The following SH3PXD2A variants were observed in gnomAD, a reference collection of about 807,000 sequenced individuals.
SH3PXD2A encodes the protein SH3 and PX domains 2A.
A neutral mutation model predicts 115.2 loss-of-function variants in SH3PXD2A; 32 were observed. The ratio of observed to expected loss-of-function variants is 0.28; its 90% CI spans 0.21 to 0.37. The LOEUF is 0.37. Ranked by LOEUF, SH3PXD2A falls within the 10% of genes least tolerant of loss-of-function variation. The pLI, the probability that SH3PXD2A is intolerant of heterozygous loss-of-function variation, is 1.00. For missense variants in SH3PXD2A, 1,328 were observed against 1,498.7 expected (o/e 0.89, Z 1.88); for synonymous variants, 610 against 629.1 (o/e 0.97, Z 0.45).
chr10:103,598,479 C>A lies in SH3PXD2A; in HGVS notation c.*3337G>T, dbSNP rs1385101915. On this transcript the variant is annotated 3_prime_UTR_variant, in exon 15 of 15. Transcript: ENST00000369774. Reference sequence around the variant, plus strand: ...AACAAAGCACCAAATGCTGCATCTTCGGGCATTATATGAACCTCAATAATG... The same window carrying A: ...AACAAAGCACCAAATGCTGCATCTTAGGGCATTATATGAACCTCAATAATG... 6.6e-6 allele frequency: 1 copy of A among 152,640 alleles called. No individual in the cohort carries two copies. 9.5% of individuals were successfully genotyped at this position (152,640 alleles called of 1,614,324 possible). A position where few individuals can be genotyped will look rare whatever the true frequency, so the allele number is the denominator to read the frequency against.
Position 103,801,268 on chromosome 10 carries a change from T to C in SH3PXD2A, c.153+14A>G, listed in dbSNP as rs2039144073. ...GAGAGACTTGGGCCACTGTCCGAGC[T>C]CTGACAAACTCACCTGCAGGTCAAA... On this transcript the variant is annotated intron_variant, in intron 2 of 14. Transcript: ENST00000369774. 6.4e-7 allele frequency: 1 copy of C among 1,561,146 alleles called. No individual in the cohort carries two copies. The highest frequency in any genetic ancestry group is 1.4e-5 in the African/African-American group (1 of 73,638).
At chr10:103,758,755 T>A (rs902041341) in intron 3 of SH3PXD2A, among the ~76,000 whole-genome samples, 5 of 152,012 alleles carry the variant, frequency 3.3e-5, no homozygotes, top group African/African-American at 1.2e-4. Flanking sequence ...CCAGTGGAGG[T>A]TGGAGGAAAG....
At chr10:103,702,527 G>T in intron 5 of SH3PXD2A, among the ~76,000 whole-genome samples, 1 of 152,126 alleles carries the variant, frequency 6.6e-6, no homozygotes, top group East Asian at 1.9e-4. Flanking sequence ...GCAGGAAGGA[G>T]ATTTGGGGTG....
chr10:103,629,107 A>G (rs1424378562), intron 8 of SH3PXD2A, among the ~76,000 whole-genome samples: 1 of 152,146 alleles, frequency 6.6e-6, no homozygotes, highest in East Asian at 1.9e-4. Context: ...TTCTCAGGTA[A>G]ACTCTCTACC....
chr10:103,845,343 AAAG>A (rs200715537), intron 1 of SH3PXD2A, among the ~76,000 whole-genome samples: 56,013 of 107,386 alleles, frequency 0.52, 11,068 homozygotes, highest in Non-Finnish European at 0.57. Flanking sequence ...AAAAAAAAAA[AAAG>A]AAAAAAGAAA....
intron 6 of SH3PXD2A, among the ~76,000 whole-genome samples, chr10:103,677,639 C>T (rs143786593): frequency 6.6e-6 from 1 of 152,286 alleles, no homozygotes; most frequent in East Asian, 1.9e-4. Context: ...TGGCTCCAAA[C>T]GTCTGGTTAG....
At chr10:103,683,384 G>A (rs2037636581) in intron 6 of SH3PXD2A, among the ~76,000 whole-genome samples, 1 of 151,670 alleles carries the variant, frequency 6.6e-6, no homozygotes, top group Non-Finnish European at 1.5e-5. Context: ...CATGGTGGCG[G>A]GTGCCTGTAG....
intron 9 of SH3PXD2A, among the ~76,000 whole-genome samples, 172 bp downstream of exon 9, chr10:103,626,917 C>CA (rs2036706155): frequency 1.3e-5 from 2 of 152,156 alleles, no homozygotes; most frequent in South Asian, 4.1e-4. Context: ...AGGGGTCGGA[C>CA]TGGGGTGGGA....
intron 3 of SH3PXD2A, among the ~76,000 whole-genome samples, chr10:103,757,781 C>T (rs2038658779): frequency 6.6e-6 from 1 of 152,158 alleles, no homozygotes; most frequent in Admixed American, 6.5e-5. Context: ...CCCAGATCAG[C>T]CATCTGGGTC....
At chr10:103,610,309 G>T (rs1477979940) in intron 13 of SH3PXD2A, among the ~76,000 whole-genome samples, 2 of 152,252 alleles carry the variant, frequency 1.3e-5, no homozygotes, top group Middle Eastern at 3.2e-3. Context: ...GGCCTAACTG[G>T]AAACAGCAGC....
intron 1 of SH3PXD2A, among the ~76,000 whole-genome samples, chr10:103,814,995 G>A (rs1292951035): frequency 6.6e-6 from 1 of 151,944 alleles, no homozygotes; most frequent in Non-Finnish European, 1.5e-5. Flanking sequence ...TGGGGAGGTG[G>A]GGGGCTCTTC....
chr10:103,794,442 G>T (rs530301834), intron 2 of SH3PXD2A, among the ~76,000 whole-genome samples: 1 of 152,300 alleles, frequency 6.6e-6, no homozygotes, highest in South Asian at 2.1e-4. Context: ...GTAGCCCAGC[G>T]CTTTGTAGGT....
intron 3 of SH3PXD2A, among the ~76,000 whole-genome samples, chr10:103,748,673 A>G (rs2038537330): frequency 6.6e-6 from 1 of 152,196 alleles, no homozygotes; most frequent in South Asian, 2.1e-4. Context: ...AGGTAGAGGG[A>G]GAGTCTGAGC....
chr10:103,805,255 C>T (rs2039190393), intron 1 of SH3PXD2A, among the ~76,000 whole-genome samples: 1 of 152,132 alleles, frequency 6.6e-6, no homozygotes, highest in South Asian at 2.1e-4. Flanking sequence ...GAGGAGAAAC[C>T]CAGGGGCCAG....
At chr10:103,687,643 G>A (rs573205986) in intron 6 of SH3PXD2A, among the ~76,000 whole-genome samples, 8 of 152,132 alleles carry the variant, frequency 5.3e-5, no homozygotes, top group Non-Finnish European at 1.0e-4. Context: ...ATCCTGCCTA[G>A]TCAATCCCCA....
At chr10:103,669,376 T>G (rs2037427739) in intron 6 of SH3PXD2A, among the ~76,000 whole-genome samples, 1 of 151,960 alleles carries the variant, frequency 6.6e-6, no homozygotes, top group African/African-American at 2.4e-5. Context: ...GGATTTAGAG[T>G]TGTCCTCCTG....
At position 103,709,846 on chromosome 10, in the gene SH3PXD2A, C is replaced by T. The variant is rs948877810; in HGVS notation, c.398+14424G>A. Among the ~76,000 whole-genome samples the T allele has an allele frequency of 2.6e-5, 4 of 152,324 alleles. No individual in the cohort carries two copies. The East Asian group carries it at 7.7e-4, about 29-fold the overall frequency. On this transcript the variant is annotated intron_variant, in intron 5 of 14. Coordinates refer to ENST00000369774, the MANE Select transcript of SH3PXD2A (RefSeq NM_001394015.1). The stretch of plus-strand genomic sequence containing the variant: ...GCTGGCCGGGCAAGGTGGCTCATGC[C>T]TATAATCCCAGCACTTTGGGAAGCC...
intron 1 of SH3PXD2A, among the ~76,000 whole-genome samples, chr10:103,808,560 C>T (rs2039231294): frequency 6.6e-6 from 1 of 152,144 alleles, no homozygotes; most frequent in South Asian, 2.1e-4. Flanking sequence ...CTAAAGACCC[C>T]TCTTGACATG....
intron 8 of SH3PXD2A, among the ~76,000 whole-genome samples, chr10:103,642,037 C>A (rs2036963175): frequency 1.3e-5 from 2 of 152,218 alleles, no homozygotes; most frequent in Middle Eastern, 3.4e-3. Flanking sequence ...TTGACAATAT[C>A]CCAAGTTCAA....
Sources: gnomAD v4.1 joint callset for allele counts (sites outside exome capture counted in the v4.1 genomes callset) on GRCh38, gnomAD v4.1.1 for gene constraint, MANE v1.5 for transcripts, NCBI Gene and HGNC (gene_info 2026-07-23, HGNC 2026-07-21) for gene names.